DSG2: variants seen among roughly 807,000 people sequenced by gnomAD.
DSG2 encodes desmoglein-2.
A neutral mutation model predicts 75.6 loss-of-function variants in DSG2; 45 were observed. The observed-to-expected ratio is 0.60, with a 90% CI of 0.47 to 0.76. The LOEUF is 0.76. Among genes scored for constraint, DSG2 ranks in the 30% least tolerant of loss-of-function variants. The pLI is 0.00. For synonymous variants in DSG2, 429 were observed against 483.9 expected (o/e 0.89, Z 1.49); for missense variants, 1,267 against 1,357.4 (o/e 0.93, Z 1.05).
intron 1 of DSG2, among the ~76,000 whole-genome samples, chr18:31,513,859 G>C (rs2073079823): frequency 6.6e-6 from 1 of 152,162 alleles, no homozygotes; most frequent in African/African-American, 2.4e-5. Context: ...GACAGAAAGG[G>C]CACTTCAGCT....
At position 31,524,762 on chromosome 18, in the gene DSG2, CGATGCA is replaced by C. The variant is rs1331118515; in HGVS notation, c.893_898del (p.Ala298_Asp299del). On this transcript the variant is annotated inframe_deletion, in exon 8 of 15. Transcript: ENST00000261590. Reference sequence around the variant, plus strand: ...TAGAAGTTACGCGCATAAAAGTGTTCGATGCAGATGAAATAGGTTCTGATAATTGGC... The same window carrying C: ...TAGAAGTTACGCGCATAAAAGTGTTCGATGAAATAGGTTCTGATAATTGGC... The C allele has an allele frequency of 6.2e-7, 1 of 1,614,028 alleles. No homozygotes were observed. The highest frequency in any genetic ancestry group is 1.3e-5 in the African/African-American group (1 of 74,992).
chr18:31,515,260 G>A (rs559210999), intron 1 of DSG2, among the ~76,000 whole-genome samples: 2 of 151,960 alleles, frequency 1.3e-5, no homozygotes, highest in Non-Finnish European at 2.9e-5. Context: ...CCACCACCAC[G>A]GGCAGCTAAT....
At position 31,531,202 on chromosome 18, in the gene DSG2, T is replaced by G. The variant is rs1478308744; in HGVS notation, c.1230T>G (p.Ile410Met). 1 of 1,614,054 alleles carries G rather than the reference T, an allele frequency of 6.2e-7. No individual in the cohort carries two copies. The highest frequency in any genetic ancestry group is 1.3e-5 in the African/African-American group (1 of 74,930). ...SMDRSSKGQI[I>M]GNFQAFDEDT... is the part of the protein sequence containing the mutation. ...ATAGATCAAGCAAAGGCCAAATAAT[T>G]GGAAATTTTCAAGCTTTTGATGAGG... Residue 410 changes from isoleucine to methionine, a missense_variant, in exon 9 of 15, where the codon ATT (isoleucine) becomes ATG (methionine). By Grantham distance (10) the Ile-to-Met change is conservative. Transcript: ENST00000261590.
At chr18:31,507,614 G>A (rs1407179200) in intron 1 of DSG2, among the ~76,000 whole-genome samples, 4 of 152,026 alleles carry the variant, frequency 2.6e-5, no homozygotes, top group Admixed American at 6.6e-5. Flanking sequence ...TTTAATGATC[G>A]CCATTCTAAC....
chr18:31,526,050 A>G (rs530754975), intron 8 of DSG2, among the ~76,000 whole-genome samples: 1 of 152,220 alleles, frequency 6.6e-6, no homozygotes, highest in South Asian at 2.1e-4. Flanking sequence ...AGGCTGAGGC[A>G]GGAGAATCAC....
chr18:31,546,767 C>A lies in DSG2; in HGVS notation c.*24C>A. 1 of 1,609,634 alleles carries A rather than the reference C, an allele frequency of 6.2e-7. No individual in the cohort carries two copies. The highest frequency in any genetic ancestry group is 8.5e-7 in the Non-Finnish European group (1 of 1,176,000). On this transcript the variant is annotated 3_prime_UTR_variant, in exon 15 of 15. Coordinates refer to ENST00000261590, the MANE Select transcript of DSG2 (RefSeq NM_001943.5). ...AAACAGCAGTCAGCCACAAACTGACCCAGAGTTTAATTAGCAGTGACTAAT... is the reference window on the plus strand; with the variant it reads ...AAACAGCAGTCAGCCACAAACTGACACAGAGTTTAATTAGCAGTGACTAAT...
intron 1 of DSG2, among the ~76,000 whole-genome samples, chr18:31,506,712 T>G (rs2073040701): frequency 6.6e-6 from 1 of 152,234 alleles, no homozygotes; most frequent in African/African-American, 2.4e-5. Flanking sequence ...TTTTGTGAAG[T>G]CTGTTATACA....
chr18:31,547,327 T>G lies in DSG2; in HGVS notation c.*584T>G. Reference sequence around the variant, plus strand: ...GATGATAAGAATACACATTGTATGTTTCTGTGCACATGACAGTGTGTGTGT... The same window carrying G: ...GATGATAAGAATACACATTGTATGTGTCTGTGCACATGACAGTGTGTGTGT... On this transcript the variant is annotated 3_prime_UTR_variant, in exon 15 of 15. Coordinates refer to ENST00000261590, the MANE Select transcript of DSG2 (RefSeq NM_001943.5). 1 of 192,470 alleles carries G rather than the reference T, an allele frequency of 5.2e-6. No individual in the cohort carries two copies. The highest frequency in any genetic ancestry group is 1.1e-5 in the Non-Finnish European group (1 of 92,986). 11.9% of individuals were successfully genotyped at this position (192,470 alleles called of 1,614,324 possible). A position where few individuals can be genotyped will look rare whatever the true frequency, so the allele number is the denominator to read the frequency against.
In DSG2 at chr18:31,518,676, T is replaced by C. The variant is rs2073108938; in HGVS notation, c.81+402T>C. ...CTGTTAATGAATACTTTGTGAGGTA[T>C]AAATGAAAAAGTAATTTCAATTTTT... On this transcript the variant is annotated intron_variant, in intron 2 of 14. Coordinates refer to ENST00000261590, the MANE Select transcript of DSG2 (RefSeq NM_001943.5). Among the ~76,000 whole-genome samples, 5 of 151,942 alleles carry C rather than the reference T, an allele frequency of 3.3e-5. 1 individual carries two copies. The South Asian group carries it at 1.0e-3, about 31-fold the overall frequency.
In DSG2 at chr18:31,535,421, T is replaced by C; in HGVS notation, c.1423+9T>C. The C allele has an allele frequency of 6.3e-6, 10 of 1,593,220 alleles. No homozygotes were observed. The highest frequency in any genetic ancestry group is 8.6e-6 in the Non-Finnish European group (10 of 1,162,286). On this transcript the variant is annotated intron_variant, in intron 10 of 14. Transcript: ENST00000261590. ...TGTGGCCATATCAGAAGGTAAGTTATTAAATAGATCTTTTTCTTGATTATA... is the reference window on the plus strand; with the variant it reads ...TGTGGCCATATCAGAAGGTAAGTTACTAAATAGATCTTTTTCTTGATTATA...
rs180695545 is a variant in DSG2, at chr18:31,546,029, C to T, written c.2643C>T (p.Thr881=). ...AAACTATGGTTAATTCAGAGAATAC[C>T]TACTCCTCTGGCAGTAGCTTCCCAG... ...CEQTMVNSEN[T]YSSGSSFPVP... is the part of the protein sequence containing the mutation. The change falls in exon 15 of 15, where the codon ACC becomes ACT. Residue 881 remains threonine, a synonymous_variant. Transcript: ENST00000261590. The T allele has an allele frequency of 1.1e-4, 184 of 1,614,154 alleles. 1 individual carries two copies. In the East Asian group the frequency reaches 1.7e-3, roughly 15 times the overall value.
In DSG2 at chr18:31,509,802, G is replaced by A. The variant is rs1022472281; in HGVS notation, c.46-8437G>A. On this transcript the variant is annotated intron_variant, in intron 1 of 14. Transcript: ENST00000261590. ...GACTGTAGACTACAGAGCCTTCTTT[G>A]TGGCTATGGACGCTACTACAGACCA... Among the ~76,000 whole-genome samples, 17 of 152,200 alleles carry A rather than the reference G, an allele frequency of 1.1e-4. 1 individual carries two copies. The highest frequency in any genetic ancestry group is 4.1e-4 in the African/African-American group (17 of 41,444).
intron 8 of DSG2, among the ~76,000 whole-genome samples, chr18:31,527,616 A>G (rs781622442): frequency 6.6e-6 from 1 of 152,254 alleles, no homozygotes; most frequent in Non-Finnish European, 1.5e-5. Flanking sequence ...ATATACAAGT[A>G]GCAAATACCC....
chr18:31,521,318 ATT>A, intron 5 of DSG2, 75 bp downstream of exon 5: 1 of 1,415,400 alleles, frequency 7.1e-7, no homozygotes, highest in South Asian at 1.3e-5. Flanking sequence ...TAAACACTAA[ATT>A]TCATATCTTA....
rs1188076244 is a variant in DSG2, at chr18:31,546,938, A to G, written c.*195A>G. ...CAGGAGTATTTTAGAAATGTTCCAC[A>G]ATTTACTGAAGACATAGAGATGATG... On this transcript the variant is annotated 3_prime_UTR_variant, in exon 15 of 15. Coordinates refer to ENST00000261590, the MANE Select transcript of DSG2 (RefSeq NM_001943.5). The G allele has an allele frequency of 1.5e-6, 1 of 676,816 alleles. No individual in the cohort carries two copies. The highest frequency in any genetic ancestry group is 1.8e-5 in the African/African-American group (1 of 56,326). 41.9% of individuals were successfully genotyped at this position (676,816 alleles called of 1,614,324 possible).
rs764150806 is a variant in DSG2 at position 31,518,284 on chromosome 18, C to T, written c.81+10C>T. ...TGGACTTCACTTACAGGTGAGGAAA[C>T]AAAGGGATTATTTCTGCCTTCTGAC... On this transcript the variant is annotated intron_variant, in intron 2 of 14. Coordinates refer to ENST00000261590, the MANE Select transcript of DSG2 (RefSeq NM_001943.5). 31 of 1,610,956 alleles carry T rather than the reference C, an allele frequency of 1.9e-5. 1 individual carries two copies. The Admixed American group carries it at 5.2e-4, about 27-fold the overall frequency.
intron 10 of DSG2, among the ~76,000 whole-genome samples, chr18:31,535,998 T>C (rs922682500): frequency 6.6e-6 from 1 of 152,140 alleles, no homozygotes; most frequent in Non-Finnish European, 1.5e-5. Context: ...AAGCACCTAA[T>C]TTCTCCAGTA....
chr18:31,523,274 A>G (rs2073140368), intron 6 of DSG2, among the ~76,000 whole-genome samples: 2 of 151,874 alleles, frequency 1.3e-5, no homozygotes, highest in Admixed American at 1.3e-4. Flanking sequence ...GGTGGCGGGC[A>G]CCTGTAGTCC....
rs1457279754 is a variant in DSG2 at position 31,536,395 on chromosome 18, C to T, written c.1617C>T (p.Gly539=). ...TCTCCGTCATTGACAAACCACCTGGCATGGCAGAAAAATGGAAAATAGCAC... is the reference window on the plus strand; with the variant it reads ...TCTCCGTCATTGACAAACCACCTGGTATGGCAGAAAAATGGAAAATAGCAC... ...FSFSVIDKPP[G]MAEKWKIARQ... Residue 539 remains glycine (G), a synonymous_variant, in exon 11 of 15, where the codon GGC becomes GGT. Coordinates refer to ENST00000261590, the MANE Select transcript of DSG2 (RefSeq NM_001943.5). The T allele has an allele frequency of 5.6e-6, 9 of 1,614,026 alleles. No individual in the cohort carries two copies. The South Asian group carries it at 7.7e-5, about 14-fold the overall frequency.
Sources: allele counts gnomAD v4.1 joint callset (sites outside exome capture counted in the v4.1 genomes callset), GRCh38; gene constraint gnomAD v4.1.1; transcripts MANE v1.5; gene names NCBI Gene and HGNC (gene_info 2026-07-23, HGNC 2026-07-21).